The following CNTN6 variants were observed in gnomAD, a reference collection of about 807,000 sequenced individuals.
CNTN6 encodes the protein contactin-6.
In CNTN6, 137 loss-of-function variants were observed where a neutral mutation model predicts 122.8. The observed-to-expected ratio is 1.12, with a 90% confidence interval of 0.97 to 1.29. CNTN6 has a LOEUF of 1.29. Ranked by LOEUF, CNTN6 falls within the 50% of genes most tolerant of loss-of-function variation. CNTN6 has a pLI of 0.00. For synonymous variants in CNTN6, 570 were observed against 426.0 expected (o/e 1.34, Z -4.16); for missense variants, 1,634 against 1,223.4 (o/e 1.34, Z -5.01).
chr3:1,364,632 A>T (rs1707954060), intron 12 of CNTN6, among the ~76,000 whole-genome samples: 1 of 151,948 alleles, frequency 6.6e-6, no homozygotes, highest in African/African-American at 2.4e-5. Context: ...GAGTGTATTT[A>T]TTTGGCCATT....
chr3:1,284,904 A>G (rs945966211), intron 5 of CNTN6, among the ~76,000 whole-genome samples: 23 of 152,222 alleles, frequency 1.5e-4, no homozygotes, highest in African/African-American at 1.7e-4. Flanking sequence ...TAGGTGAATT[A>G]AAATGAACAG....
chr3:1,385,493 A>G (rs1162335788), intron 19 of CNTN6, 118 bp from the exon 20 acceptor site: 2 of 681,230 alleles, frequency 2.9e-6, no homozygotes, highest in Non-Finnish European at 4.7e-6. Context: ...CGTTTTTGTC[A>G]TCTATACTTC....
At chr3:1,215,822 T>C in intron 2 of CNTN6, among the ~76,000 whole-genome samples, 1 of 151,768 alleles carries the variant, frequency 6.6e-6, no homozygotes, top group African/African-American at 2.4e-5. Flanking sequence ...TTTATTTTTA[T>C]TATATCTGGG....
chr3:1,310,805 T>A (rs1699110165), intron 7 of CNTN6, among the ~76,000 whole-genome samples: 1 of 152,068 alleles, frequency 6.6e-6, no homozygotes, highest in African/African-American at 2.4e-5. Context: ...AGTTTGAGAC[T>A]AGCCTGCCCA....
chr3:1,230,079 T>C (rs1055183219), intron 4 of CNTN6, among the ~76,000 whole-genome samples: 13 of 152,168 alleles, frequency 8.5e-5, no homozygotes, highest in Admixed American at 5.9e-4. Flanking sequence ...GGAAAGTTCC[T>C]AAAGTGCATG....
At chr3:1,308,875 C>T (rs1252872753) in intron 7 of CNTN6, among the ~76,000 whole-genome samples, 1 of 152,094 alleles carries the variant, frequency 6.6e-6, no homozygotes, top group African/African-American at 2.4e-5. Flanking sequence ...TGGTAATTCT[C>T]TAACGGCAAA....
At chr3:1,348,000 C>G (rs1341352052) in intron 11 of CNTN6, among the ~76,000 whole-genome samples, 1 of 151,594 alleles carries the variant, frequency 6.6e-6, no homozygotes, top group Non-Finnish European at 1.5e-5. Context: ...TATAGATATG[C>G]CTACATTCTT....
intron 15 of CNTN6, 59 bp from the exon 16 acceptor site, chr3:1,373,865 A>G: frequency 6.7e-7 from 1 of 1,495,740 alleles, no homozygotes; most frequent in Non-Finnish European, 8.9e-7. Flanking sequence ...ATAATTTTGT[A>G]CAATTATTTG....
intron 2 of CNTN6, among the ~76,000 whole-genome samples, chr3:1,182,394 T>C (rs1409911527): frequency 6.6e-6 from 1 of 152,184 alleles, no homozygotes. Context: ...TACTGTTCTC[T>C]GAAATTAATA....
At chr3:1,276,816 TATA>T (rs1466662358) in intron 4 of CNTN6, among the ~76,000 whole-genome samples, 1 of 152,174 alleles carries the variant, frequency 6.6e-6, no homozygotes, top group African/African-American at 2.4e-5. Flanking sequence ...TTATATGTAA[TATA>T]ATGATCTAAA....
At chr3:1,358,567 C>G (rs1157031230) in intron 12 of CNTN6, among the ~76,000 whole-genome samples, 1 of 151,708 alleles carries the variant, frequency 6.6e-6, no homozygotes, top group Admixed American at 6.6e-5. Context: ...AAGTAGTTAC[C>G]AAATGCTTTC....
chr3:1,302,874 A>G (rs561641811), intron 7 of CNTN6, among the ~76,000 whole-genome samples: 1 of 151,958 alleles, frequency 6.6e-6, no homozygotes, highest in South Asian at 2.1e-4. Context: ...TCCTTTTAGT[A>G]TTTGTTTTAC....
intron 4 of CNTN6, among the ~76,000 whole-genome samples, chr3:1,245,228 ATATATATACACACAC>A (rs1559595607): frequency 1.7e-3 from 28 of 16,704 alleles, no homozygotes; most frequent in Non-Finnish European, 2.9e-3. Flanking sequence ...ATATATATAT[ATATATATACACACAC>A]ACATATATAT....
In CNTN6 at chr3:1,403,317, G is replaced by C; in HGVS notation, c.2987-1G>C. On this transcript the variant is annotated splice_acceptor_variant, in intron 22 of 22. Transcript: ENST00000446702. LOFTEE classifies it high-confidence loss of function. ...TTTTGTCTTATTTTTATATTTTGCAGGTTTGAGTTCCAGAGGAATTCAATT... is the reference window on the plus strand; with the variant it reads ...TTTTGTCTTATTTTTATATTTTGCACGTTTGAGTTCCAGAGGAATTCAATT... 6.3e-7 allele frequency: 1 copy of C among 1,593,486 alleles called. No homozygotes were observed. Among genetic ancestry groups the C allele is most frequent in the Non-Finnish European group, 8.6e-7 (1 of 1,166,886 alleles).
chr3:1,143,998 T>C (rs140616552), intron 1 of CNTN6, among the ~76,000 whole-genome samples: 8 of 152,310 alleles, frequency 5.3e-5, no homozygotes, highest in South Asian at 2.1e-4. Context: ...GAGACAATAG[T>C]AGAAGCAAAA....
At chr3:1,123,711 C>A (rs1222465605) in intron 1 of CNTN6, among the ~76,000 whole-genome samples, 3 of 151,894 alleles carry the variant, frequency 2.0e-5, no homozygotes, top group South Asian at 4.1e-4. Context: ...GTTAGAACTT[C>A]CAGTACAGTG....
chr3:1,275,659 G>A (rs2125776643), intron 4 of CNTN6, among the ~76,000 whole-genome samples: 1 of 152,230 alleles, frequency 6.6e-6, no homozygotes, highest in South Asian at 2.1e-4. Flanking sequence ...GCCACTAGAT[G>A]GTGCCATTTG....
At chr3:1,376,058 C>T (rs114563590) in intron 16 of CNTN6, among the ~76,000 whole-genome samples, 1 of 152,104 alleles carries the variant, frequency 6.6e-6, no homozygotes, top group Non-Finnish European at 1.5e-5. Flanking sequence ...ATTGTTCAGA[C>T]ATGGTCCAGT....
chr3:1,217,330 G>A (rs2094143104), intron 2 of CNTN6, among the ~76,000 whole-genome samples: 1 of 152,154 alleles, frequency 6.6e-6, no homozygotes. Context: ...CATCACTCAA[G>A]TACAATTATT....
Sources: gnomAD v4.1 joint callset for allele counts (sites outside exome capture counted in the v4.1 genomes callset) on GRCh38, gnomAD v4.1.1 for gene constraint, MANE v1.5 for transcripts, NCBI Gene and HGNC (gene_info 2026-07-23, HGNC 2026-07-21) for gene names.